Variants in B3GAT2 observed in about 807,000 individuals in gnomAD.
B3GAT2 encodes galactosylgalactosylxylosylprotein 3-beta-glucuronosyltransferase 2.
In B3GAT2, 26 loss-of-function variants were observed where a neutral mutation model predicts 27.8. The observed-to-expected ratio is 0.93, with a 90% confidence interval of 0.68 to 1.30. The LOEUF (loss-of-function observed/expected upper bound fraction) is 1.30, where lower values mean the gene tolerates loss of function less well. Among genes scored for constraint, B3GAT2 ranks in the 50% most tolerant of loss-of-function variants. The pLI is 0.00. For synonymous variants in B3GAT2, 218 were observed against 195.1 expected, an observed-to-expected ratio of 1.12 and a Z score of -0.98; for missense variants, 458 against 459.0, an observed-to-expected ratio of 1.00 and a Z score of 0.02.
intron 1 of B3GAT2, among the ~76,000 whole-genome samples, chr6:70,934,395 A>T (rs1390147283): frequency 5.6e-5 from 3 of 53,658 alleles, no homozygotes; most frequent in African/African-American, 7.6e-5. Context: ...CCCTTCTCCC[A>T]CTTCACAAAG....
At chr6:70,869,618 T>A (rs1185493752) in intron 2 of B3GAT2, among the ~76,000 whole-genome samples, 2 of 152,218 alleles carry the variant, frequency 1.3e-5, no homozygotes, top group African/African-American at 2.4e-5. Flanking sequence ...CCTGTGTAAG[T>A]CATACTTTAT....
Position 70,956,909 on chromosome 6 carries a change from T to G in B3GAT2, c.-480A>C, listed in dbSNP as rs1009210896. On this transcript the variant is annotated 5_prime_UTR_variant, in exon 1 of 4. Coordinates refer to ENST00000230053, the MANE Select transcript of B3GAT2 (RefSeq NM_080742.3). ...CGCCTTCGAGGGCGGGCGGCGGCGCTGGGGGCTTTCCTTCCTCACATTCCC... is the reference window on the plus strand; with the variant it reads ...CGCCTTCGAGGGCGGGCGGCGGCGCGGGGGGCTTTCCTTCCTCACATTCCC... 4 of 1,019,606 alleles carry G rather than the reference T, an allele frequency of 3.9e-6. No homozygotes were observed. The highest frequency in any genetic ancestry group is 5.5e-5 in the Admixed American group (1 of 18,278). The allele number at this position is 1,019,606 out of a possible 1,614,324, so 63.2% of individuals were successfully genotyped here.
chr6:70,946,287 C>T (rs1453062398), intron 1 of B3GAT2, among the ~76,000 whole-genome samples: 1 of 151,652 alleles, frequency 6.6e-6, no homozygotes, highest in East Asian at 1.9e-4. Context: ...TGGGTCTTGA[C>T]TGGGGATAAA....
intron 1 of B3GAT2, among the ~76,000 whole-genome samples, chr6:70,903,527 T>C (rs549288639): frequency 6.6e-6 from 1 of 151,946 alleles, no homozygotes; most frequent in East Asian, 1.9e-4. Context: ...ACAACCCAAT[T>C]AAAAAAGTCA....
At chr6:70,931,011 AGAGT>A (rs1773053494) in intron 1 of B3GAT2, among the ~76,000 whole-genome samples, 1 of 152,240 alleles carries the variant, frequency 6.6e-6, no homozygotes, top group African/African-American at 2.4e-5. Flanking sequence ...GCCATAAAAA[AGAGT>A]GAGTTCATGT....
chr6:70,941,715 A>C (rs1765396397), intron 1 of B3GAT2, among the ~76,000 whole-genome samples: 1 of 152,204 alleles, frequency 6.6e-6, no homozygotes, highest in Non-Finnish European at 1.5e-5. Context: ...TTTGATTGAC[A>C]ATCTCTGTGC....
intron 1 of B3GAT2, among the ~76,000 whole-genome samples, chr6:70,933,945 A>G (rs1190167060): frequency 3.3e-5 from 5 of 152,230 alleles, no homozygotes; most frequent in Admixed American, 3.3e-4. Context: ...ATCAGGTCCT[A>G]TGAGGGAGCT....
At chr6:70,935,374 A>G (rs1333706225) in intron 1 of B3GAT2, among the ~76,000 whole-genome samples, 1 of 152,010 alleles carries the variant, frequency 6.6e-6, no homozygotes, top group Non-Finnish European at 1.5e-5. Context: ...GAATTGCTTG[A>G]CCCAGGGAGG....
At chr6:70,954,917 G>GGA (rs935433439) in intron 1 of B3GAT2, among the ~76,000 whole-genome samples, 1 of 151,394 alleles carries the variant, frequency 6.6e-6, no homozygotes, top group Non-Finnish European at 1.5e-5. Flanking sequence ...GGGGGCGGCG[G>GGA]GGGGGGGCGG....
chr6:70,901,117 T>C (rs1406094766), intron 1 of B3GAT2, among the ~76,000 whole-genome samples: 3 of 152,210 alleles, frequency 2.0e-5, no homozygotes, highest in Admixed American at 6.5e-5. Context: ...CAAAACGATA[T>C]TTATATGATC....
intron 1 of B3GAT2, among the ~76,000 whole-genome samples, chr6:70,943,316 A>C (rs1360392280): frequency 3.3e-5 from 5 of 152,252 alleles, no homozygotes; most frequent in African/African-American, 7.2e-5. Context: ...TGCCTGCAGC[A>C]GCCAACATAA....
chr6:70,949,912 G>A (rs948088110), intron 1 of B3GAT2, among the ~76,000 whole-genome samples: 1 of 152,060 alleles, frequency 6.6e-6, no homozygotes, highest in Non-Finnish European at 1.5e-5. Context: ...CAGGGACATG[G>A]ATGAAATTGG....
Position 70,860,687 on chromosome 6 carries a change from G to A in B3GAT2, c.*976C>T, listed in dbSNP as rs1219092139. ...TATCATGTTAGTAATACCTCTAATA[G>A]TATAAACCCCACCCCAAAATTAGCC... is the stretch of plus-strand genomic sequence containing the variant. On this transcript the variant is annotated 3_prime_UTR_variant, in exon 4 of 4. Coordinates refer to ENST00000230053, the MANE Select transcript of B3GAT2 (RefSeq NM_080742.3). The A allele has an allele frequency of 5.0e-6, 2 of 403,840 alleles. No homozygotes were observed. Among genetic ancestry groups the A allele is most frequent in the Middle Eastern group, 6.2e-4 (1 of 1,624 alleles). 25.0% of individuals were successfully genotyped at this position (403,840 alleles called of 1,614,324 possible).
intron 1 of B3GAT2, among the ~76,000 whole-genome samples, chr6:70,901,354 A>G (rs1360590834): frequency 6.6e-6 from 1 of 152,178 alleles, no homozygotes; most frequent in Non-Finnish European, 1.5e-5. Context: ...ATTCTCTTAT[A>G]AAAGAAACCA....
At chr6:70,954,454 G>T (rs892777998) in intron 1 of B3GAT2, among the ~76,000 whole-genome samples, 1 of 152,084 alleles carries the variant, frequency 6.6e-6, no homozygotes, top group Non-Finnish European at 1.5e-5. Flanking sequence ...AAATGAAGGC[G>T]GCAATTACCT....
intron 1 of B3GAT2, among the ~76,000 whole-genome samples, chr6:70,897,484 T>C (rs1002351344): frequency 1.1e-4 from 16 of 151,926 alleles, no homozygotes; most frequent in Non-Finnish European, 2.4e-4. Flanking sequence ...TGCCTGTAAT[T>C]CCAGCACACT....
intron 1 of B3GAT2, among the ~76,000 whole-genome samples, chr6:70,905,035 T>C (rs1311420009): frequency 3.3e-5 from 5 of 152,188 alleles, no homozygotes; most frequent in African/African-American, 9.7e-5. Flanking sequence ...AATATAGTTA[T>C]CAGGAAACAA....
At chr6:70,898,388 TC>T (rs923791262) in intron 1 of B3GAT2, among the ~76,000 whole-genome samples, 67 of 151,922 alleles carry the variant, frequency 4.4e-4, no homozygotes, top group Non-Finnish European at 7.8e-4. Context: ...AAAAATATAG[TC>T]CCCCCCACCT....
rs6921846 is a variant in B3GAT2 at position 70,906,361 on chromosome 6, G to C, written c.592-12089C>G. On this transcript the variant is annotated intron_variant, in intron 1 of 3. Transcript: ENST00000230053. ...CTCATAGCAATTTTTTTTTAAGACA[G>C]AGTCTCACTCTGTCACCCAGACTGG... Among the ~76,000 whole-genome samples the C allele has an allele frequency of 4.8e-3, 732 of 151,966 alleles. 11 individuals are homozygous for C. The highest frequency in any genetic ancestry group is 0.017 in the African/African-American group (701 of 41,450).
Sources: allele counts gnomAD v4.1 joint callset (sites outside exome capture counted in the v4.1 genomes callset), GRCh38; gene constraint gnomAD v4.1.1; transcripts MANE v1.5; gene names NCBI Gene and HGNC (gene_info 2026-07-23, HGNC 2026-07-21).